Variants in NXPH1 observed in about 807,000 individuals in gnomAD.
The protein encoded by NXPH1 is neurexophilin 1.
In NXPH1, 5 loss-of-function variants were observed where a neutral mutation model predicts 23.7. The ratio of observed to expected loss-of-function variants is 0.21; its 90% CI spans 0.11 to 0.44. The LOEUF (loss-of-function observed/expected upper bound fraction) is 0.44, where lower values mean the gene tolerates loss of function less well. Ranked by LOEUF, NXPH1 falls within the 20% of genes least tolerant of loss-of-function variation. The pLI, the probability that NXPH1 is intolerant of heterozygous loss-of-function variation, is 0.99. For missense variants in NXPH1, 324 were observed against 321.6 expected, an observed-to-expected ratio of 1.01 and a Z score of -0.06; for synonymous variants, 144 against 122.2, an observed-to-expected ratio of 1.18 and a Z score of -1.18.
intron 2 of NXPH1, among the ~76,000 whole-genome samples, chr7:8,695,573 A>C (rs1269625750): frequency 7.4e-6 from 1 of 135,196 alleles, no homozygotes. Flanking sequence ...TTTACCTTCT[A>C]CTTTTCTATG....
At chr7:8,605,475 T>C (rs1316306994) in intron 2 of NXPH1, among the ~76,000 whole-genome samples, 1 of 152,140 alleles carries the variant, frequency 6.6e-6, no homozygotes. Flanking sequence ...TCTAGGTACA[T>C]TTATTGCTAG....
intron 2 of NXPH1, among the ~76,000 whole-genome samples, chr7:8,741,709 G>A (rs1343408208): frequency 6.6e-6 from 1 of 152,002 alleles, no homozygotes; most frequent in Non-Finnish European, 1.5e-5. Context: ...GGTACTTTGG[G>A]TATTATCAAT....
At chr7:8,694,651 GC>G (rs1821277150) in intron 2 of NXPH1, among the ~76,000 whole-genome samples, 1 of 152,060 alleles carries the variant, frequency 6.6e-6, no homozygotes, top group South Asian at 2.1e-4. Context: ...CAGGAAAGGA[GC>G]TAAAAAATTC....
At chr7:8,693,374 AC>A (rs1821253194) in intron 2 of NXPH1, among the ~76,000 whole-genome samples, 1 of 152,138 alleles carries the variant, frequency 6.6e-6, no homozygotes, top group Non-Finnish European at 1.5e-5. Context: ...TTCTTTCAAC[AC>A]AGAATTGCCT....
chr7:8,636,356 A>G (rs1820218774), intron 2 of NXPH1, among the ~76,000 whole-genome samples: 1 of 152,208 alleles, frequency 6.6e-6, no homozygotes, highest in Middle Eastern at 3.2e-3. Context: ...TCTGAAAAAT[A>G]CATTTTGGCC....
intron 2 of NXPH1, among the ~76,000 whole-genome samples, chr7:8,687,471 A>G (rs1821164737): frequency 6.6e-6 from 1 of 152,188 alleles, no homozygotes; most frequent in Non-Finnish European, 1.5e-5. Context: ...GAAAAATGTT[A>G]TATTAAAACA....
At chr7:8,646,559 G>A (rs1820402776) in intron 2 of NXPH1, among the ~76,000 whole-genome samples, 1 of 151,998 alleles carries the variant, frequency 6.6e-6, no homozygotes. Flanking sequence ...TATGACTATA[G>A]GCTTTGTTGT....
At chr7:8,439,781 G>T (rs1444404763) in intron 2 of NXPH1, among the ~76,000 whole-genome samples, 2 of 152,114 alleles carry the variant, frequency 1.3e-5, no homozygotes, top group Admixed American at 6.5e-5. Context: ...TAGATCATTT[G>T]GGTGAAATCC....
At chr7:8,467,474 G>T (rs1816803829) in intron 2 of NXPH1, among the ~76,000 whole-genome samples, 1 of 152,134 alleles carries the variant, frequency 6.6e-6, no homozygotes, top group Non-Finnish European at 1.5e-5. Context: ...CTAATTTCCT[G>T]AGTTTCCCTA....
chr7:8,696,070 A>G (rs948885624), intron 2 of NXPH1, among the ~76,000 whole-genome samples: 1 of 152,238 alleles, frequency 6.6e-6, no homozygotes, highest in Non-Finnish European at 1.5e-5. Context: ...TAACTTGTAT[A>G]TTCTTATCTC....
intron 2 of NXPH1, among the ~76,000 whole-genome samples, chr7:8,648,999 T>C (rs910421134): frequency 7.3e-5 from 11 of 150,856 alleles, no homozygotes; most frequent in African/African-American, 2.7e-4. Flanking sequence ...GCTTTTTTTT[T>C]TTAAGATTGC....
chr7:8,687,539 T>C (rs749857063), intron 2 of NXPH1, among the ~76,000 whole-genome samples: 1 of 152,220 alleles, frequency 6.6e-6, no homozygotes, highest in Non-Finnish European at 1.5e-5. Flanking sequence ...GTAATATTTA[T>C]GTCTCTGGAC....
intron 2 of NXPH1, among the ~76,000 whole-genome samples, chr7:8,609,288 C>A (rs1417877722): frequency 1.3e-5 from 2 of 152,130 alleles, no homozygotes; most frequent in Non-Finnish European, 2.9e-5. Flanking sequence ...GATTCTTTAA[C>A]CTTCTATTCT....
chr7:8,535,001 T>C (rs1244522450), intron 2 of NXPH1, among the ~76,000 whole-genome samples: 1 of 152,016 alleles, frequency 6.6e-6, no homozygotes, highest in Non-Finnish European at 1.5e-5. Flanking sequence ...TAATTTGCTT[T>C]GTTTACATAT....
intron 2 of NXPH1, among the ~76,000 whole-genome samples, chr7:8,699,763 G>T (rs2115188882): frequency 6.6e-6 from 1 of 152,220 alleles, no homozygotes; most frequent in East Asian, 1.9e-4. Flanking sequence ...TTAAAAGATT[G>T]ATTTTTAACG....
intron 2 of NXPH1, among the ~76,000 whole-genome samples, chr7:8,726,901 G>A (rs962913559): frequency 7.9e-5 from 12 of 151,978 alleles, no homozygotes; most frequent in Middle Eastern, 3.4e-3. Flanking sequence ...GATCCCTGAG[G>A]AATCGCCACA....
intron 2 of NXPH1, among the ~76,000 whole-genome samples, chr7:8,497,900 G>T (rs1430047778): frequency 6.6e-6 from 1 of 152,036 alleles, no homozygotes; most frequent in Non-Finnish European, 1.5e-5. Context: ...GGATTTTGTT[G>T]CCATTGCTTT....
chr7:8,736,955 C>CTT lies in NXPH1; in HGVS notation c.55-14043_55-14042dup, dbSNP rs201607337. 3.8e-3 allele frequency among the ~76,000 whole-genome samples: 557 copies of CTT among 145,146 alleles called. 3 individuals are homozygous for CTT. Among genetic ancestry groups the CTT allele is most frequent in the African/African-American group, 0.013 (526 of 39,974 alleles). On this transcript the variant is annotated intron_variant, in intron 2 of 2. Coordinates refer to ENST00000405863, the MANE Select transcript of NXPH1 (RefSeq NM_152745.3). ...CAGAGACTAGGATTGCAACCCCTACCTTTTTTTTTTTATGCTTTCCATTTG... is the reference window on the plus strand; with the variant it reads ...CAGAGACTAGGATTGCAACCCCTACCTTTTTTTTTTTTTATGCTTTCCATTTG...
Position 8,472,290 on chromosome 7 carries a change from A to G in NXPH1, c.54+36523A>G, listed in dbSNP as rs991128887. ...CCTCATCTGTATAATAAGAGACTGC[A>G]ATAAATGATCTCTAAGGCCCTTCTA... On this transcript the variant is annotated intron_variant, in intron 2 of 2. Transcript: ENST00000405863. Among the ~76,000 whole-genome samples the G allele has an allele frequency of 2.0e-5, 3 of 152,310 alleles. No individual in the cohort carries two copies. The East Asian group carries it at 5.8e-4, about 29-fold the overall frequency.
Sources: gnomAD v4.1 joint callset for allele counts (sites outside exome capture counted in the v4.1 genomes callset) on GRCh38, gnomAD v4.1.1 for gene constraint, MANE v1.5 for transcripts, NCBI Gene and HGNC (gene_info 2026-07-23, HGNC 2026-07-21) for gene names.